VPS13A: variants seen among roughly 807,000 people sequenced by gnomAD.
The protein encoded by VPS13A is intermembrane lipid transfer protein VPS13A.
In VPS13A, 264 loss-of-function variants were observed where a neutral mutation model predicts 390.9. The ratio of observed to expected loss-of-function variants is 0.68; its 90% CI spans 0.61 to 0.75. VPS13A has a LOEUF of 0.75. VPS13A is among the 30% of genes least tolerant of loss of function. The pLI, the probability that VPS13A is intolerant of heterozygous loss-of-function variation, is 0.00. For missense variants in VPS13A, 3,409 were observed against 3,733.9 expected (o/e 0.91, Z 2.27); for synonymous variants, 1,231 against 1,227.1 (o/e 1.00, Z -0.07).
Position 77,220,396 on chromosome 9 carries a change from A to ATTT in VPS13A, c.989+26_989+28dup. 2.3e-5 allele frequency: 30 copies of ATTT among 1,293,182 alleles called. No individual in the cohort carries two copies. The highest frequency in any genetic ancestry group is 4.1e-5 in the Admixed American group (2 of 48,484). The allele number at this position is 1,293,182 out of a possible 1,614,324, so 80.1% of individuals were successfully genotyped here. On this transcript the variant is annotated intron_variant, in intron 12 of 71. Transcript: ENST00000360280. ...ATGCCAGAGAATGGTAAATGCCTTG[A>ATTT]TTTTTTTTTTTTTTTAGATTTTAAA...
Position 77,252,279 on chromosome 9 carries a change from C to G in VPS13A, c.2215C>G (p.His739Asp), listed in dbSNP as rs374188914. The stretch of plus-strand genomic sequence containing the variant: ...ACGAAAACTCAGTGTATCTACCCAG[C>G]ATATTTTGGTACCCATGCACTTCAA... ...EARKLSVSTQ[H>D]ILVPMHFNLE... is the part of the protein sequence containing the mutation. The change falls in exon 22 of 72, where the codon CAT (histidine) becomes GAT (aspartate). Residue 739 changes from histidine to aspartate, a missense_variant. By Grantham distance (81) the His-to-Asp change is moderately conservative. Around this residue, in one of 5 missense-constraint regions of VPS13A, gnomAD observed 2,717 missense variants for 2,917.4 expected, o/e 0.93. Coordinates refer to ENST00000360280, the MANE Select transcript of VPS13A (RefSeq NM_033305.3). The G allele has an allele frequency of 1.9e-5, 30 of 1,614,022 alleles. No individual in the cohort carries two copies. Among genetic ancestry groups the G allele is most frequent in the Admixed American group, 5.0e-5 (3 of 60,028 alleles).
intron 68 of VPS13A, among the ~76,000 whole-genome samples, chr9:77,397,787 C>T (rs1050907192): frequency 6.6e-6 from 1 of 152,052 alleles, no homozygotes; most frequent in African/African-American, 2.4e-5. Flanking sequence ...TAATTATTAC[C>T]TATAGATTCT....
At chr9:77,200,810 T>C (rs1434444679) in intron 2 of VPS13A, among the ~76,000 whole-genome samples, 3 of 152,234 alleles carry the variant, frequency 2.0e-5, no homozygotes, top group African/African-American at 7.2e-5. Context: ...TGTTTTCTTC[T>C]AAGAGTTGTA....
chr9:77,331,043 T>C (rs1282173037), intron 45 of VPS13A, among the ~76,000 whole-genome samples: 2 of 152,188 alleles, frequency 1.3e-5, no homozygotes, highest in Admixed American at 6.5e-5. Flanking sequence ...TATACTGATA[T>C]ATAGGTCATT....
chr9:77,386,212 C>G (rs1186861831), intron 68 of VPS13A, among the ~76,000 whole-genome samples: 1 of 152,178 alleles, frequency 6.6e-6, no homozygotes, highest in Admixed American at 6.5e-5. Flanking sequence ...CTCTCTCACC[C>G]TTGGCCAAAA....
At chr9:77,245,258 A>G (rs972638013) in intron 19 of VPS13A, among the ~76,000 whole-genome samples, 3 of 152,146 alleles carry the variant, frequency 2.0e-5, no homozygotes, top group Non-Finnish European at 2.9e-5. Flanking sequence ...TTGTGGTAGG[A>G]CTTCCAGGGA....
chr9:77,406,750 G>GT (rs1834630944), intron 70 of VPS13A, among the ~76,000 whole-genome samples: 2 of 148,968 alleles, frequency 1.3e-5, no homozygotes. Context: ...AAGAAAGAAT[G>GT]TAATTCTTCT....
chr9:77,369,475 T>G, intron 63 of VPS13A, 63 bp downstream of exon 63: 1 of 1,092,764 alleles, frequency 9.2e-7, no homozygotes, highest in Non-Finnish European at 1.4e-6. Flanking sequence ...GATAATACTT[T>G]TCTATTGTTA....
intron 68 of VPS13A, 26 bp from the exon 69 acceptor site, chr9:77,403,210 C>T (rs778860998): frequency 3.2e-6 from 5 of 1,549,914 alleles, no homozygotes; most frequent in Admixed American, 1.7e-5. Flanking sequence ...TCAATTTTCT[C>T]ATTGTCTCTC....
At chr9:77,390,699 G>A (rs971876856) in intron 68 of VPS13A, among the ~76,000 whole-genome samples, 1 of 130,506 alleles carries the variant, frequency 7.7e-6, no homozygotes, top group African/African-American at 3.0e-5. Flanking sequence ...TTGTTGTTGA[G>A]ACAAGGTCTC....
chr9:77,201,234 TTGA>T, intron 2 of VPS13A, 128 bp from the exon 3 acceptor site: 1 of 633,660 alleles, frequency 1.6e-6, no homozygotes, highest in Non-Finnish European at 2.8e-6. Flanking sequence ...TAAATAAATG[TTGA>T]TGATAAGGAA....
chr9:77,237,124 G>A (rs1228326960), intron 17 of VPS13A, among the ~76,000 whole-genome samples: 12 of 151,978 alleles, frequency 7.9e-5, no homozygotes, highest in African/African-American at 2.7e-4. Flanking sequence ...TCTTGACCTC[G>A]TGATCCGCCT....
At chr9:77,291,021 A>T (rs1564699755) in intron 31 of VPS13A, among the ~76,000 whole-genome samples, 1 of 152,124 alleles carries the variant, frequency 6.6e-6, no homozygotes, top group Non-Finnish European at 1.5e-5. Context: ...ACATCATATC[A>T]TGCATAGCAG....
intron 67 of VPS13A, among the ~76,000 whole-genome samples, chr9:77,376,346 A>G (rs1208854137): frequency 6.6e-6 from 1 of 152,184 alleles, no homozygotes; most frequent in Non-Finnish European, 1.5e-5. Context: ...AAAGGTTTCA[A>G]GCCAGAGAAA....
rs956354675 is a variant in VPS13A at position 77,403,472 on chromosome 9, A to G, written c.9275+151A>G. On this transcript the variant is annotated intron_variant, in intron 69 of 71. Transcript: ENST00000360280. ...ACAAGCCTAACTCGCTAAACATTAC[A>G]TAAATTTCCTGCATAGCTTTGTGCA... is the stretch of plus-strand genomic sequence containing the variant. 59 of 703,896 alleles carry G rather than the reference A, an allele frequency of 8.4e-5. No homozygotes were observed. The South Asian group carries it at 8.9e-4, about 11-fold the overall frequency. 43.6% of individuals were successfully genotyped at this position (703,896 alleles called of 1,614,324 possible).
Position 77,370,552 on chromosome 9 carries a change from A to G in VPS13A, c.8881A>G (p.Thr2961Ala). 6.2e-7 allele frequency: 1 copy of G among 1,614,108 alleles called. No homozygotes were observed. Among genetic ancestry groups the G allele is most frequent in the South Asian group, 1.1e-5 (1 of 91,084 alleles). The change falls in exon 65 of 72, where the codon ACT becomes GCT. Residue 2961 changes from threonine to alanine, a missense_variant. By Grantham distance (58) the Thr-to-Ala change is moderately conservative. This residue lies in a region of VPS13A where 318 missense variants were observed against 333.7 expected (regional missense o/e 0.95). Coordinates refer to ENST00000360280, the MANE Select transcript of VPS13A (RefSeq NM_033305.3). ...ACCAGCTGGTTTTAGAGAAGGCATC[A>G]CTCGTGGAGGAAAAGGCTTAGTTTC... The part of the protein sequence containing the change: ...KQPAGFREGI[T>A]RGGKGLVSGF...
At position 77,275,544 on chromosome 9, in the gene VPS13A, A is replaced by T. The variant is rs1357541727; in HGVS notation, c.2559A>T (p.Glu853Asp). 4 of 1,613,796 alleles carry T rather than the reference A, an allele frequency of 2.5e-6. No homozygotes were observed. The highest frequency in any genetic ancestry group is 1.7e-5 in the Admixed American group (1 of 60,012). Reference sequence around the variant, plus strand: ...ATGCACCATGTAGTCCCTTGGAAGAACCTCTTCAGTTTCCAACTGGAGTTA... The same window carrying T: ...ATGCACCATGTAGTCCCTTGGAAGATCCTCTTCAGTTTCCAACTGGAGTTA... ...FFDAPCSPLE[E>D]PLQFPTGVKS... is the part of the protein sequence containing the mutation. The change falls in exon 25 of 72, where the codon GAA becomes GAT. Residue 853 changes from glutamate to aspartate, a missense_variant. Coordinates refer to ENST00000360280, the MANE Select transcript of VPS13A (RefSeq NM_033305.3).
intron 71 of VPS13A, among the ~76,000 whole-genome samples, chr9:77,410,012 A>C (rs957963549): frequency 3.3e-5 from 5 of 151,754 alleles, no homozygotes; most frequent in Admixed American, 1.3e-4. Flanking sequence ...CCAAAGTTGG[A>C]ATGAAGGAAA....
At chr9:77,272,959 A>G (rs1338448854) in intron 23 of VPS13A, among the ~76,000 whole-genome samples, 1 of 152,230 alleles carries the variant, frequency 6.6e-6, no homozygotes, top group Non-Finnish European at 1.5e-5. Context: ...AAGTATTGTG[A>G]CTTGTGTGTT....
Sources: allele counts gnomAD v4.1 joint callset (sites outside exome capture counted in the v4.1 genomes callset), GRCh38; gene constraint gnomAD v4.1.1; regional missense constraint gnomAD v4.1.1; transcripts MANE v1.5; gene names NCBI Gene and HGNC (gene_info 2026-07-23, HGNC 2026-07-21).